Variants in NKAIN3 observed in about 807,000 individuals in gnomAD.
NKAIN3 encodes the protein sodium/potassium-transporting ATPase subunit beta-1-interacting protein 3.
A neutral mutation model predicts 30.2 loss-of-function variants in NKAIN3; 25 were observed. The ratio of observed to expected loss-of-function variants is 0.83; its 90% confidence interval spans 0.60 to 1.16. The LOEUF (loss-of-function observed/expected upper bound fraction) is 1.16. Ranked by LOEUF, NKAIN3 falls within the 50% of genes most tolerant of loss-of-function variation. The pLI is 0.00. For missense variants in NKAIN3, 225 were observed against 254.1 expected (o/e 0.89, Z 0.78); for synonymous variants, 91 against 89.6 (o/e 1.02, Z -0.09).
At chr8:62,495,934 C>T (rs929712514) in intron 1 of NKAIN3, among the ~76,000 whole-genome samples, 8 of 152,060 alleles carry the variant, frequency 5.3e-5, no homozygotes, top group African/African-American at 1.9e-4. Flanking sequence ...TGACTCCAGG[C>T]CAGTGCTTAT....
At chr8:62,756,573 T>A (rs1816458845) in intron 4 of NKAIN3, among the ~76,000 whole-genome samples, 1 of 152,184 alleles carries the variant, frequency 6.6e-6, no homozygotes, top group Admixed American at 6.5e-5. Flanking sequence ...ATCCACTGTA[T>A]ATTTTATCTA....
chr8:62,765,654 A>C (rs1816814424), intron 4 of NKAIN3, among the ~76,000 whole-genome samples: 1 of 152,212 alleles, frequency 6.6e-6, no homozygotes, highest in Admixed American at 6.5e-5. Context: ...GTTAATCATA[A>C]AATCTGTCTT....
At chr8:62,867,607 C>T (rs901731686) in intron 4 of NKAIN3, among the ~76,000 whole-genome samples, 2 of 152,194 alleles carry the variant, frequency 1.3e-5, no homozygotes, top group Non-Finnish European at 2.9e-5. Flanking sequence ...TGACTGCTCT[C>T]TTCTCAGCAA....
At chr8:62,304,242 C>T (rs1814148993) in intron 1 of NKAIN3, among the ~76,000 whole-genome samples, 1 of 150,406 alleles carries the variant, frequency 6.6e-6, no homozygotes, top group African/African-American at 2.5e-5. Flanking sequence ...TCAGTGCTCT[C>T]TCAGCCCCAA....
At chr8:62,391,023 C>T (rs1181729127) in intron 1 of NKAIN3, among the ~76,000 whole-genome samples, 1 of 152,148 alleles carries the variant, frequency 6.6e-6, no homozygotes. Context: ...GTTCTCTTTG[C>T]TGTGCAGAAG....
intron 1 of NKAIN3, among the ~76,000 whole-genome samples, chr8:62,367,384 A>T (rs1238325055): frequency 6.6e-6 from 1 of 152,216 alleles, no homozygotes; most frequent in African/African-American, 2.4e-5. Flanking sequence ...ATCAAATGTG[A>T]TTTATTTTGG....
intron 3 of NKAIN3, among the ~76,000 whole-genome samples, chr8:62,595,514 G>T (rs764148447): frequency 1.3e-5 from 2 of 150,804 alleles, no homozygotes; most frequent in Admixed American, 6.7e-5. Context: ...TTTATATCCC[G>T]ATCCTTGTCC....
intron 5 of NKAIN3, among the ~76,000 whole-genome samples, chr8:62,991,450 C>G (rs1824318903): frequency 6.6e-6 from 1 of 152,210 alleles, no homozygotes; most frequent in Admixed American, 6.5e-5. Flanking sequence ...TCATTCCTCC[C>G]AGCTTGTGCC....
chr8:62,866,561 T>C (rs185690101), intron 4 of NKAIN3, among the ~76,000 whole-genome samples: 1 of 152,196 alleles, frequency 6.6e-6, no homozygotes, highest in African/African-American at 2.4e-5. Flanking sequence ...CATATAGAGG[T>C]ATATTTAGCC....
Position 62,355,235 on chromosome 8 carries a change from C to T in NKAIN3, c.54+106108C>T, listed in dbSNP as rs1341004785. 4.6e-5 allele frequency among the ~76,000 whole-genome samples: 7 copies of T among 152,226 alleles called. 1 individual carries two copies. Among genetic ancestry groups the T allele is most frequent in the Non-Finnish European group, 8.8e-5 (6 of 68,054 alleles). On this transcript the variant is annotated intron_variant, in intron 1 of 6. Transcript: ENST00000623646. Reference sequence around the variant, plus strand: ...GTTTCCCCATAAATACCTGAAGCCACATCAGCATTTTCATGATGCGTAGAT... The same window carrying T: ...GTTTCCCCATAAATACCTGAAGCCATATCAGCATTTTCATGATGCGTAGAT...
chr8:62,547,407 A>T (rs1809051620), intron 1 of NKAIN3, among the ~76,000 whole-genome samples: 1 of 152,214 alleles, frequency 6.6e-6, no homozygotes, highest in African/African-American at 2.4e-5. Flanking sequence ...AAGGACTATC[A>T]TTAATAATAG....
chr8:62,519,906 T>C (rs1808104302), intron 1 of NKAIN3, among the ~76,000 whole-genome samples: 3 of 152,150 alleles, frequency 2.0e-5, no homozygotes, highest in Admixed American at 2.0e-4. Flanking sequence ...ATCAGAGGCC[T>C]TCCTGGACCA....
At chr8:62,824,912 C>T (rs1258959976) in intron 4 of NKAIN3, among the ~76,000 whole-genome samples, 1 of 152,192 alleles carries the variant, frequency 6.6e-6, no homozygotes, top group African/African-American at 2.4e-5. Context: ...ACCAGCAGGA[C>T]AGGGTCAACA....
intron 4 of NKAIN3, among the ~76,000 whole-genome samples, chr8:62,887,300 A>G (rs1821175310): frequency 1.3e-5 from 2 of 151,730 alleles, no homozygotes; most frequent in Admixed American, 6.6e-5. Context: ...ATTTTAAGTT[A>G]TGAATCTCTG....
chr8:62,815,747 A>T (rs570062221), intron 4 of NKAIN3, among the ~76,000 whole-genome samples: 1 of 152,240 alleles, frequency 6.6e-6, no homozygotes, highest in South Asian at 2.1e-4. Flanking sequence ...TCTATGACAA[A>T]CCCACAGCCA....
intron 1 of NKAIN3, among the ~76,000 whole-genome samples, chr8:62,435,215 G>A (rs577801760): frequency 4.3e-4 from 66 of 152,210 alleles, no homozygotes; most frequent in African/African-American, 1.4e-3. Flanking sequence ...GAAAGTGTGA[G>A]GACTTTAAAG....
chr8:62,688,377 T>C (rs779453138), intron 3 of NKAIN3, among the ~76,000 whole-genome samples: 32 of 152,296 alleles, frequency 2.1e-4, no homozygotes, highest in Non-Finnish European at 4.1e-4. Flanking sequence ...TTAAGTGAAA[T>C]AAATATACAT....
chr8:62,896,578 G>T (rs939649663), intron 4 of NKAIN3, among the ~76,000 whole-genome samples: 3 of 152,208 alleles, frequency 2.0e-5, no homozygotes, highest in South Asian at 2.1e-4. Context: ...TCAGCCTAAT[G>T]CCCAAAAGAC....
At chr8:62,371,067 A>G (rs373709682) in intron 1 of NKAIN3, among the ~76,000 whole-genome samples, 1 of 151,908 alleles carries the variant, frequency 6.6e-6, no homozygotes, top group Non-Finnish European at 1.5e-5. Context: ...GCTTTATTTT[A>G]TTAATGATTA....
Sources: gnomAD v4.1 joint callset for allele counts (sites outside exome capture counted in the v4.1 genomes callset) on GRCh38, gnomAD v4.1.1 for gene constraint, MANE v1.5 for transcripts, NCBI Gene and HGNC (gene_info 2026-07-23, HGNC 2026-07-21) for gene names.